HDAC9: variants seen among roughly 807,000 people sequenced by gnomAD.
HDAC9 encodes MEF-2 interacting transcription repressor (MITR) protein.
Under a neutral mutation model 139.4 loss-of-function variants are expected in HDAC9, and 41 were observed. The ratio of observed to expected loss-of-function variants is 0.29; its 90% CI spans 0.23 to 0.38. The LOEUF (loss-of-function observed/expected upper bound fraction) is 0.38. Among genes scored for constraint, HDAC9 ranks in the 10% least tolerant of loss-of-function variants. HDAC9 has a pLI of 1.00. For missense variants in HDAC9, 1,147 were observed against 1,297.0 expected (o/e 0.88, Z 1.78); for synonymous variants, 517 against 476.2 (o/e 1.09, Z -1.12).
intron 2 of HDAC9, among the ~76,000 whole-genome samples, chr7:18,539,729 C>T (rs1163789869): frequency 6.6e-6 from 1 of 151,844 alleles, no homozygotes; most frequent in Non-Finnish European, 1.5e-5. Context: ...TGGTAGGTAA[C>T]AGATCAGTGG....
intron 2 of HDAC9, among the ~76,000 whole-genome samples, chr7:18,568,891 T>C (rs754734716): frequency 6.6e-6 from 1 of 151,776 alleles, no homozygotes; most frequent in African/African-American, 2.4e-5. Context: ...CTACTAAAAA[T>C]ACAAAATTAG....
chr7:18,268,685 C>A (rs1796154219), intron 2 of HDAC9, among the ~76,000 whole-genome samples: 1 of 152,104 alleles, frequency 6.6e-6, no homozygotes, highest in Non-Finnish European at 1.5e-5. Flanking sequence ...TGATTAAAGG[C>A]AGTGAGCCAT....
chr7:18,529,018 C>T (rs1807918022), intron 2 of HDAC9, among the ~76,000 whole-genome samples: 1 of 152,100 alleles, frequency 6.6e-6, no homozygotes, highest in South Asian at 2.1e-4. Context: ...ATCCTTCTGT[C>T]ATGTGAATCT....
chr7:18,497,569 T>C (rs1338166907), intron 2 of HDAC9, among the ~76,000 whole-genome samples: 2 of 152,180 alleles, frequency 1.3e-5, no homozygotes, highest in African/African-American at 4.8e-5. Context: ...GGAATTATGT[T>C]AATGAATAGT....
At chr7:18,510,691 A>G (rs1001403380) in intron 2 of HDAC9, among the ~76,000 whole-genome samples, 2 of 152,196 alleles carry the variant, frequency 1.3e-5, no homozygotes, top group Non-Finnish European at 2.9e-5. Context: ...CTCAATGCCA[A>G]GGGTATCAGT....
chr7:18,978,942 G>A (rs932542871), intron 25 of HDAC9, among the ~76,000 whole-genome samples: 1 of 151,956 alleles, frequency 6.6e-6, no homozygotes, highest in Admixed American at 6.6e-5. Flanking sequence ...GACTTTGTGT[G>A]TGTGTGTTTT....
chr7:18,392,779 A>G (rs1013827743), intron 1 of HDAC9, among the ~76,000 whole-genome samples: 3 of 152,128 alleles, frequency 2.0e-5, no homozygotes, highest in African/African-American at 7.2e-5. Flanking sequence ...CTCAGATATG[A>G]TTTAGACTAG....
At chr7:18,790,695 T>A (rs1792225617) in intron 16 of HDAC9, among the ~76,000 whole-genome samples, 1 of 152,176 alleles carries the variant, frequency 6.6e-6, no homozygotes. Context: ...AAACTAAATG[T>A]AGGTAAAACA....
At chr7:18,945,256 T>G (rs542871142) in intron 23 of HDAC9, among the ~76,000 whole-genome samples, 1 of 152,358 alleles carries the variant, frequency 6.6e-6, no homozygotes, top group Non-Finnish European at 1.5e-5. Flanking sequence ...TCACCATGGT[T>G]TTGATTTGCC....
chr7:18,508,646 G>A (rs763691605), intron 2 of HDAC9, among the ~76,000 whole-genome samples: 43 of 152,020 alleles, frequency 2.8e-4, no homozygotes, highest in Non-Finnish European at 4.9e-4. Flanking sequence ...TCTTACCCAA[G>A]CAGTATGAGT....
intron 1 of HDAC9, among the ~76,000 whole-genome samples, chr7:18,313,395 C>T (rs565665830): frequency 2.4e-4 from 36 of 152,234 alleles, no homozygotes; most frequent in Middle Eastern, 3.4e-3. Flanking sequence ...TAAATTCTTT[C>T]AGAAGTGATT....
chr7:18,474,864 G>T (rs753409632), intron 1 of HDAC9, among the ~76,000 whole-genome samples: 9 of 151,868 alleles, frequency 5.9e-5, no homozygotes, highest in African/African-American at 9.7e-5. Context: ...AAGGGGAGGG[G>T]AGCAAAAAGC....
At chr7:18,414,449 T>TA (rs1390957494) in intron 1 of HDAC9, among the ~76,000 whole-genome samples, 1 of 152,024 alleles carries the variant, frequency 6.6e-6, no homozygotes, top group African/African-American at 2.4e-5. Flanking sequence ...TTGAGGTAAA[T>TA]AACTTATCTC....
At chr7:18,299,409 A>G (rs1447775724) in intron 1 of HDAC9, among the ~76,000 whole-genome samples, 1 of 152,082 alleles carries the variant, frequency 6.6e-6, no homozygotes, top group Non-Finnish European at 1.5e-5. Context: ...ACATTTCAAG[A>G]TATATTTTTT....
intron 13 of HDAC9, among the ~76,000 whole-genome samples, chr7:18,748,599 G>A (rs946324280): frequency 6.6e-6 from 1 of 152,156 alleles, no homozygotes; most frequent in Admixed American, 6.5e-5. Context: ...TAAAGAGACA[G>A]CTTGTTTAGT....
intron 22 of HDAC9, among the ~76,000 whole-genome samples, chr7:18,887,904 A>C (rs544831658): frequency 6.6e-6 from 1 of 152,180 alleles, no homozygotes; most frequent in Non-Finnish European, 1.5e-5. Context: ...CAGAGAAGTC[A>C]TCAGGAGTTG....
intron 1 of HDAC9, among the ~76,000 whole-genome samples, chr7:18,117,357 G>A (rs1784065835): frequency 6.6e-6 from 1 of 151,882 alleles, no homozygotes; most frequent in African/African-American, 2.4e-5. Flanking sequence ...GTGGTGGTGG[G>A]CGCCTGTAGT....
intron 16 of HDAC9, among the ~76,000 whole-genome samples, chr7:18,773,585 G>C (rs1000313374): frequency 2.0e-5 from 3 of 151,986 alleles, no homozygotes; most frequent in Non-Finnish European, 4.4e-5. Flanking sequence ...TTAAATAAAA[G>C]CTGAGAAAGT....
intron 17 of HDAC9, among the ~76,000 whole-genome samples, chr7:18,816,851 T>C (rs539140233): frequency 6.6e-6 from 1 of 152,332 alleles, no homozygotes; most frequent in African/African-American, 2.4e-5. Context: ...CATATCACTA[T>C]GTTAAGTGTA....
Sources: gnomAD v4.1 joint callset for allele counts (sites outside exome capture counted in the v4.1 genomes callset) on GRCh38, gnomAD v4.1.1 for gene constraint, MANE v1.5 for transcripts, NCBI Gene and HGNC (gene_info 2026-07-23, HGNC 2026-07-21) for gene names.